COX7B2: variants seen among roughly 807,000 people sequenced by gnomAD.
COX7B2 encodes cytochrome c oxidase subunit 7B2, mitochondrial.
For missense variants in COX7B2, 109 were observed against 95.9 expected (o/e 1.14, Z -0.57); for synonymous variants, 37 against 32.1 (o/e 1.15, Z -0.51).
intron 2 of COX7B2, among the ~76,000 whole-genome samples, chr4:46,804,660 C>T (rs574446562): frequency 3.9e-5 from 6 of 152,322 alleles, no homozygotes; most frequent in African/African-American, 1.4e-4. Flanking sequence ...GGTGTGTTTA[C>T]AAACCTTGAG....
In COX7B2 at chr4:46,803,010, G is replaced by T. The variant is rs1228270944; in HGVS notation, c.-50+41950C>A. 2.0e-5 allele frequency among the ~76,000 whole-genome samples: 3 copies of T among 152,140 alleles called. No individual in the cohort carries two copies. The East Asian group carries it at 5.8e-4, about 29-fold the overall frequency. ...GAATTACCATTAGGGGATCCTGAAT[G>T]ACTATAAGGAAGTAGATTCCATAAA... On this transcript the variant is annotated intron_variant, in intron 2 of 2. Transcript: ENST00000355591.
chr4:46,811,184 C>T (rs773978430), intron 2 of COX7B2, among the ~76,000 whole-genome samples: 1 of 152,094 alleles, frequency 6.6e-6, no homozygotes, highest in African/African-American at 2.4e-5. Context: ...ATCTGGATGT[C>T]CATATCTCTT....
intron 1 of COX7B2, among the ~76,000 whole-genome samples, chr4:46,870,319 T>C (rs1390042292): frequency 1.6e-5 from 2 of 122,702 alleles, no homozygotes; most frequent in East Asian, 2.5e-4. Flanking sequence ...AAACTAGATA[T>C]TGAAAAAAAA....
At chr4:46,879,643 C>T (rs1047865592) in intron 1 of COX7B2, among the ~76,000 whole-genome samples, 5 of 150,496 alleles carry the variant, frequency 3.3e-5, no homozygotes, top group African/African-American at 9.8e-5. Context: ...GCAAGTTTTT[C>T]TTTTATTGTA....
chr4:46,746,508 G>A (rs895976800), intron 2 of COX7B2, among the ~76,000 whole-genome samples: 17 of 151,964 alleles, frequency 1.1e-4, no homozygotes, highest in East Asian at 1.9e-4. Context: ...TGAATGGGGC[G>A]GAAACAAAAG....
At chr4:46,748,374 C>CA (rs36000689) in intron 2 of COX7B2, among the ~76,000 whole-genome samples, 2 of 151,852 alleles carry the variant, frequency 1.3e-5, no homozygotes, top group Non-Finnish European at 2.9e-5. Flanking sequence ...AGTCTCAAAA[C>CA]AAAAAAATAC....
intron 2 of COX7B2, among the ~76,000 whole-genome samples, chr4:46,842,486 G>A (rs898304486): frequency 2.0e-5 from 3 of 152,092 alleles, no homozygotes; most frequent in African/African-American, 7.2e-5. Context: ...GTGCCATGCT[G>A]ATGTGCTGCA....
chr4:46,773,805 A>G (rs1717010559), intron 2 of COX7B2, among the ~76,000 whole-genome samples: 1 of 152,052 alleles, frequency 6.6e-6, no homozygotes, highest in Admixed American at 6.6e-5. Context: ...AGGGCAAACA[A>G]GACCTGGGGG....
intron 2 of COX7B2, among the ~76,000 whole-genome samples, chr4:46,777,329 C>A (rs1334542775): frequency 6.6e-6 from 1 of 151,750 alleles, no homozygotes; most frequent in Non-Finnish European, 1.5e-5. Context: ...TTGCTTTTAT[C>A]AAAGAGCAGA....
intron 2 of COX7B2, among the ~76,000 whole-genome samples, chr4:46,748,056 C>G (rs1190259687): frequency 6.6e-6 from 1 of 151,112 alleles, no homozygotes; most frequent in Non-Finnish European, 1.5e-5. Flanking sequence ...GATGTTGCAT[C>G]AACACCTATA....
chr4:46,747,843 T>C (rs1415934313), intron 2 of COX7B2, among the ~76,000 whole-genome samples: 1 of 152,186 alleles, frequency 6.6e-6, no homozygotes, highest in East Asian at 1.9e-4. Context: ...TGATTGAACA[T>C]CATGTTGTAA....
intron 1 of COX7B2, among the ~76,000 whole-genome samples, chr4:46,865,359 G>A (rs1271547253): frequency 2.0e-5 from 3 of 152,132 alleles, no homozygotes; most frequent in African/African-American, 4.8e-5. Flanking sequence ...CTCATTAGTT[G>A]GTGGCACTTA....
At chr4:46,738,449 A>G (rs924692923) in intron 2 of COX7B2, among the ~76,000 whole-genome samples, 7 of 152,086 alleles carry the variant, frequency 4.6e-5, no homozygotes, top group Non-Finnish European at 1.0e-4. Flanking sequence ...ATTTCATCCT[A>G]TAATAAACAA....
intron 1 of COX7B2, among the ~76,000 whole-genome samples, chr4:46,900,307 G>C (rs997393407): frequency 6.6e-6 from 1 of 152,218 alleles, no homozygotes; most frequent in Non-Finnish European, 1.5e-5. Flanking sequence ...AAGTGCTGGA[G>C]TTAGGAATCA....
At chr4:46,787,751 G>A (rs1045258259) in intron 2 of COX7B2, among the ~76,000 whole-genome samples, 7 of 152,182 alleles carry the variant, frequency 4.6e-5, no homozygotes, top group African/African-American at 1.7e-4. Context: ...GAGCTGCCTA[G>A]GGAGGCTGGA....
At chr4:46,863,246 G>A (rs1170961783) in intron 1 of COX7B2, among the ~76,000 whole-genome samples, 6 of 152,118 alleles carry the variant, frequency 3.9e-5, no homozygotes, top group Non-Finnish European at 8.8e-5. Flanking sequence ...TGTATTTTTG[G>A]TAAGGAAGGA....
intron 2 of COX7B2, among the ~76,000 whole-genome samples, chr4:46,742,550 GTTCTA>G (rs1714781965): frequency 6.6e-6 from 1 of 152,068 alleles, no homozygotes; most frequent in Admixed American, 6.6e-5. Flanking sequence ...CTGAACAATG[GTTCTA>G]TTTTATATGT....
At chr4:46,801,220 A>T (rs1369352495) in intron 2 of COX7B2, among the ~76,000 whole-genome samples, 1 of 152,130 alleles carries the variant, frequency 6.6e-6, no homozygotes. Flanking sequence ...TAACCCAGTG[A>T]TCCTAATACT....
At chr4:46,871,269 T>C (rs1468246227) in intron 1 of COX7B2, among the ~76,000 whole-genome samples, 1 of 152,214 alleles carries the variant, frequency 6.6e-6, no homozygotes, top group Non-Finnish European at 1.5e-5. Context: ...TAAATGGTAC[T>C]GGGGTAACTG....
Sources: gnomAD v4.1 joint callset for allele counts (sites outside exome capture counted in the v4.1 genomes callset) on GRCh38, gnomAD v4.1.1 for gene constraint, MANE v1.5 for transcripts, NCBI Gene and HGNC (gene_info 2026-07-23, HGNC 2026-07-21) for gene names.